The following GAL3ST2 variants were observed in gnomAD, a reference collection of about 807,000 sequenced individuals.
GAL3ST2 encodes the protein galactose-3-O-sulfotransferase 2, also known as beta-galactose-3-O-sulfotransferase 2.
Under a neutral mutation model 12.9 loss-of-function variants are expected in GAL3ST2, and 16 were observed. The observed-to-expected ratio is 1.24, with a 90% CI of 0.84 to 1.88. The LOEUF (loss-of-function observed/expected upper bound fraction) is 1.88, where lower values mean the gene tolerates loss of function less well. Among genes scored for constraint, GAL3ST2 ranks in the 40% most tolerant of loss-of-function variants. The pLI is 0.00. For synonymous variants in GAL3ST2, 302 were observed against 273.9 expected, an observed-to-expected ratio of 1.10 and a Z score of -1.01; for missense variants, 639 against 571.8, an observed-to-expected ratio of 1.12 and a Z score of -1.20.
At position 241,800,519 on chromosome 2, in the gene GAL3ST2, G is replaced by A. The variant is rs1699829896; in HGVS notation, c.120-1262G>A. ...TACTTGTGACCCACGTTCACCTTGG[G>A]GTGGAGACTGCACATCTAACTGCGT... On this transcript the variant is annotated intron_variant, in intron 2 of 3. Transcript: ENST00000192314. The surrounding 1 kb of genome is among the most constrained non-coding windows in gnomAD (Gnocchi z 5.2). Among the ~76,000 whole-genome samples the A allele has an allele frequency of 6.6e-6, 1 of 152,224 alleles. No homozygotes were observed. The highest frequency in any genetic ancestry group is 1.5e-5 in the Non-Finnish European group (1 of 68,042).
intron 1 of GAL3ST2, among the ~76,000 whole-genome samples, chr2:241,796,674 T>G (rs1325700451): frequency 6.6e-6 from 1 of 152,016 alleles, no homozygotes; most frequent in Non-Finnish European, 1.5e-5. Flanking sequence ...CCGGCTCTGG[T>G]CTTGTCTGAA....
intron 1 of GAL3ST2, among the ~76,000 whole-genome samples, chr2:241,786,721 A>G (rs1320894905): frequency 3.3e-5 from 5 of 152,180 alleles, no homozygotes; most frequent in South Asian, 2.1e-4. Context: ...AAATTGTCCT[A>G]TTGGTTTGAG....
At chr2:241,784,062 C>T (rs1266395536) in intron 1 of GAL3ST2, among the ~76,000 whole-genome samples, 2 of 143,688 alleles carry the variant, frequency 1.4e-5, no homozygotes, top group Non-Finnish European at 1.5e-5. Flanking sequence ...GAGATGGAGT[C>T]TTGCTCTCTT....
chr2:241,803,767 C>T lies in GAL3ST2; in HGVS notation c.798C>T (p.Pro266=). ...RSARSVARLS[P]ETRERARSWC... ...CGCGCTCCGTGGCCCGCCTGTCGCCCGAGACCCGGGAGCGCGCGCGGAGCT... is the reference window on the plus strand; with the variant it reads ...CGCGCTCCGTGGCCCGCCTGTCGCCTGAGACCCGGGAGCGCGCGCGGAGCT... Residue 266 remains proline (P), a synonymous_variant, in exon 4 of 4, where the codon CCC becomes CCT. Transcript: ENST00000192314. 1 of 1,512,480 alleles carries T rather than the reference C, an allele frequency of 6.6e-7. No homozygotes were observed. The highest frequency in any genetic ancestry group is 8.8e-7 in the Non-Finnish European group (1 of 1,135,878). 93.7% of individuals were successfully genotyped at this position (1,512,480 alleles called of 1,614,324 possible). A position where few individuals can be genotyped will look rare whatever the true frequency, so the allele number is the denominator to read the frequency against.
At chr2:241,798,384 G>A (rs766245128) in intron 1 of GAL3ST2, among the ~76,000 whole-genome samples, 3 of 152,246 alleles carry the variant, frequency 2.0e-5, no homozygotes, top group Non-Finnish European at 2.9e-5. Context: ...TCTCGAGCCA[G>A]CATGGCGGGT....
intron 1 of GAL3ST2, among the ~76,000 whole-genome samples, chr2:241,790,439 C>T (rs1211505268): frequency 2.0e-5 from 3 of 152,128 alleles, no homozygotes; most frequent in Non-Finnish European, 4.4e-5. Context: ...TTTTACAATT[C>T]AGTATACTCC....
In GAL3ST2 at chr2:241,803,760, T is replaced by C. The variant is rs1350449770; in HGVS notation, c.791T>C (p.Leu264Pro). The change falls in exon 4 of 4, where the codon CTG becomes CCG. Residue 264 changes from leucine (L) to proline (P), a missense_variant. Transcript: ENST00000192314. ...CGCAGCGCGCGCTCCGTGGCCCGCC[T>C]GTCGCCCGAGACCCGGGAGCGCGCG... is the stretch of plus-strand genomic sequence containing the variant. ...NSRSARSVAR[L>P]SPETRERARS... 1 of 1,517,714 alleles carries C rather than the reference T, an allele frequency of 6.6e-7. No homozygotes were observed. The highest frequency in any genetic ancestry group is 8.8e-7 in the Non-Finnish European group (1 of 1,137,340). 94.0% of individuals were successfully genotyped at this position (1,517,714 alleles called of 1,614,324 possible). A position where few individuals can be genotyped will look rare whatever the true frequency, so the allele number is the denominator to read the frequency against.
chr2:241,793,154 C>G lies in GAL3ST2; in HGVS notation c.30-5911C>G, dbSNP rs888871098. On this transcript the variant is annotated intron_variant, in intron 1 of 3. Transcript: ENST00000192314. This position sits in a 1 kb window ranked among gnomAD's most constrained non-coding sequence, Gnocchi z 4.7. ...ACCTCCTGAGGCTGGGTCATGGGTG[C>G]GCGTCCTCACCCTTGGCAAAGTAAG... is the stretch of plus-strand genomic sequence containing the variant. Among the ~76,000 whole-genome samples, 1 of 152,234 alleles carries G rather than the reference C, an allele frequency of 6.6e-6. No homozygotes were observed. Among genetic ancestry groups the G allele is most frequent in the African/African-American group, 2.4e-5 (1 of 41,458 alleles).
At chr2:241,789,294 G>A (rs958929086) in intron 1 of GAL3ST2, among the ~76,000 whole-genome samples, 1 of 152,148 alleles carries the variant, frequency 6.6e-6, no homozygotes, top group African/African-American at 2.4e-5. Flanking sequence ...TTGTGTGTGT[G>A]TATGTGTGAT....
At chr2:241,790,132 G>A (rs1191173548) in intron 1 of GAL3ST2, among the ~76,000 whole-genome samples, 8 of 152,198 alleles carry the variant, frequency 5.3e-5, no homozygotes, top group African/African-American at 1.4e-4. Context: ...TTGTTGTCTT[G>A]TTTTGGTCCT....
intron 1 of GAL3ST2, among the ~76,000 whole-genome samples, chr2:241,790,970 C>G (rs1284824212): frequency 2.0e-5 from 3 of 152,202 alleles, no homozygotes; most frequent in Non-Finnish European, 4.4e-5. Context: ...CAATTGTCAT[C>G]CAGAAAATGT....
At chr2:241,783,747 C>T (rs552991753) in intron 1 of GAL3ST2, among the ~76,000 whole-genome samples, 1 of 152,208 alleles carries the variant, frequency 6.6e-6, no homozygotes, top group African/African-American at 2.4e-5. Flanking sequence ...ACTGCTCTTG[C>T]AAAATTATAA....
chr2:241,778,441 C>T (rs1007284192), intron 1 of GAL3ST2, among the ~76,000 whole-genome samples: 1 of 152,232 alleles, frequency 6.6e-6, no homozygotes, highest in African/African-American at 2.4e-5. Flanking sequence ...GCTTGCTGAT[C>T]TTTTGTTTTG....
At chr2:241,797,307 C>T (rs1479286409) in intron 1 of GAL3ST2, among the ~76,000 whole-genome samples, 1 of 152,164 alleles carries the variant, frequency 6.6e-6, no homozygotes, top group Non-Finnish European at 1.5e-5. Flanking sequence ...CCATGTGGAA[C>T]TGATTCTGAT....
chr2:241,776,895 C>A lies in GAL3ST2; in HGVS notation c.-61C>A, dbSNP rs1699494625. The A allele has an allele frequency of 7.2e-7, 1 of 1,382,656 alleles. No individual in the cohort carries two copies. The highest frequency in any genetic ancestry group is 1.7e-5 in the South Asian group (1 of 58,628). 85.6% of individuals were successfully genotyped at this position (1,382,656 alleles called of 1,614,324 possible). Reference sequence around the variant, plus strand: ...AGCCCAGAGCCGGCAGGGGCCGAGGCGGTGGGACCTCGGGGGAGCTCAAGC... The same window carrying A: ...AGCCCAGAGCCGGCAGGGGCCGAGGAGGTGGGACCTCGGGGGAGCTCAAGC... On this transcript the variant is annotated 5_prime_UTR_variant, in exon 1 of 4. Transcript: ENST00000192314.
chr2:241,783,824 T>A (rs1004789473), intron 1 of GAL3ST2, among the ~76,000 whole-genome samples: 2 of 152,232 alleles, frequency 1.3e-5, no homozygotes, highest in Admixed American at 1.3e-4. Flanking sequence ...GCCATCCTTG[T>A]TCATTCCTGG....
Position 241,801,709 on chromosome 2 carries a change from T to C in GAL3ST2, c.120-72T>C, listed in dbSNP as rs970747319. The stretch of plus-strand genomic sequence containing the variant: ...AGGTCTCTCCTTGCGGTTGCCGGGC[T>C]GGGGGTCGCTGTTGGGCGGGGGTTG... On this transcript the variant is annotated intron_variant, in intron 2 of 3. Coordinates refer to ENST00000192314, the MANE Select transcript of GAL3ST2 (RefSeq NM_022134.3). This position sits in a 1 kb window ranked among gnomAD's most constrained non-coding sequence, Gnocchi z 4.4. 6.7e-7 allele frequency: 1 copy of C among 1,494,610 alleles called. No individual in the cohort carries two copies. The highest frequency in any genetic ancestry group is 8.8e-7 in the Non-Finnish European group (1 of 1,130,784). 92.6% of individuals were successfully genotyped at this position (1,494,610 alleles called of 1,614,324 possible).
At chr2:241,799,428 G>C (rs746938108) in intron 2 of GAL3ST2, among the ~76,000 whole-genome samples, 7 of 152,242 alleles carry the variant, frequency 4.6e-5, no homozygotes, top group Non-Finnish European at 1.0e-4. Flanking sequence ...GTGGGAGGCA[G>C]GGCTGGAGGC....
intron 1 of GAL3ST2, among the ~76,000 whole-genome samples, chr2:241,786,470 C>G (rs760300926): frequency 6.6e-6 from 1 of 152,152 alleles, no homozygotes; most frequent in Non-Finnish European, 1.5e-5. Flanking sequence ...GGCTGATACT[C>G]TCTACCATCT....
Sources: gnomAD v4.1 joint callset for allele counts (sites outside exome capture counted in the v4.1 genomes callset) on GRCh38, gnomAD v4.1.1 for gene constraint, Gnocchi (gnomAD v3.1) non-coding constraint, MANE v1.5 for transcripts, NCBI Gene and HGNC (gene_info 2026-07-23, HGNC 2026-07-21) for gene names.